DYSF: variants seen among roughly 807,000 people sequenced by gnomAD.
DYSF encodes dystrophy-associated fer-1-like 1.
DYSF carries 212 observed loss-of-function variants against 274.9 expected under a neutral mutation model. The ratio of observed to expected loss-of-function variants is 0.77; its 90% CI spans 0.69 to 0.86. The LOEUF (loss-of-function observed/expected upper bound fraction) is 0.86. Among genes scored for constraint, DYSF ranks in the 40% least tolerant of loss-of-function variants. The pLI is 0.00. For missense variants in DYSF, 2,666 were observed against 2,783.2 expected (o/e 0.96, Z 0.95); for synonymous variants, 1,091 against 1,078.7 (o/e 1.01, Z -0.22).
At chr2:71,671,917 C>A (rs961632094) in intron 51 of DYSF, among the ~76,000 whole-genome samples, 1 of 152,026 alleles carries the variant, frequency 6.6e-6, no homozygotes, top group African/African-American at 2.4e-5. Context: ...TGCCTGATGG[C>A]CAAGAGGGTC....
intron 7 of DYSF, 71 bp downstream of exon 7, chr2:71,513,992 G>A: frequency 7.7e-6 from 12 of 1,563,646 alleles, no homozygotes; most frequent in Non-Finnish European, 8.8e-6. Context: ...GCACCTGCCT[G>A]GTTTGTCCAG....
At chr2:71,583,117 A>G (rs1410404110) in intron 30 of DYSF, among the ~76,000 whole-genome samples, 2 of 151,500 alleles carry the variant, frequency 1.3e-5, no homozygotes, top group Non-Finnish European at 2.9e-5. Context: ...GTTTTTAAAT[A>G]TAGTTTCTTT....
At chr2:71,503,832 C>G (rs540478694) in intron 4 of DYSF, among the ~76,000 whole-genome samples, 22 of 152,348 alleles carry the variant, frequency 1.4e-4, no homozygotes, top group Non-Finnish European at 2.6e-4. Flanking sequence ...AGTGCTCCCC[C>G]CAAGTCCAAT....
chr2:71,556,337 G>C (rs965495559), intron 22 of DYSF, among the ~76,000 whole-genome samples: 1 of 152,338 alleles, frequency 6.6e-6, no homozygotes, highest in African/African-American at 2.4e-5. Context: ...TTGTGTCTCT[G>C]ATCCCCGACC....
intron 32 of DYSF, 125 bp from the exon 33 acceptor site, chr2:71,598,439 G>A: frequency 8.7e-7 from 1 of 1,152,952 alleles, no homozygotes; most frequent in Non-Finnish European, 1.3e-6. Context: ...CAGCATGAAT[G>A]TTGTTGCTCC....
chr2:71,541,942 A>C (rs1315757453), intron 17 of DYSF, among the ~76,000 whole-genome samples: 7 of 152,164 alleles, frequency 4.6e-5, no homozygotes, highest in Non-Finnish European at 2.9e-5. Flanking sequence ...TTTCCATTGA[A>C]TTTTGTCTGA....
chr2:71,595,033 A>G (rs1401692048), intron 32 of DYSF, among the ~76,000 whole-genome samples: 1 of 152,254 alleles, frequency 6.6e-6, no homozygotes, highest in Non-Finnish European at 1.5e-5. Flanking sequence ...AAATAACGCA[A>G]GAGTGAACGT....
chr2:71,530,397 C>T (rs921582703), intron 14 of DYSF, among the ~76,000 whole-genome samples: 2 of 152,166 alleles, frequency 1.3e-5, no homozygotes, highest in Admixed American at 6.5e-5. Context: ...TCCGGGGCTC[C>T]GGGCTGCTCC....
chr2:71,524,638 G>T (rs1467172869), intron 12 of DYSF, among the ~76,000 whole-genome samples: 2 of 152,204 alleles, frequency 1.3e-5, no homozygotes, highest in Non-Finnish European at 2.9e-5. Context: ...GCCTGACCTT[G>T]CTATTCTCCT....
chr2:71,543,936 G>GGGAGAGGGAGAC (rs1465275456), intron 17 of DYSF, among the ~76,000 whole-genome samples: 2 of 147,258 alleles, frequency 1.4e-5, no homozygotes, highest in African/African-American at 4.9e-5. Context: ...GAGAGGGAGA[G>GGGAGAGGGAGAC]GGAGAGGGAG....
intron 32 of DYSF, among the ~76,000 whole-genome samples, chr2:71,595,684 G>A (rs1360968031): frequency 1.3e-5 from 2 of 152,222 alleles, no homozygotes; most frequent in African/African-American, 2.4e-5. Context: ...TTGTGGTGAT[G>A]CAGTGAGGTA....
intron 42 of DYSF, among the ~76,000 whole-genome samples, chr2:71,652,726 A>C (rs2094686835): frequency 6.6e-6 from 1 of 152,242 alleles, no homozygotes. Context: ...CATCTGGAAG[A>C]ACATCAGGTA....
rs1194799546 is a variant in DYSF at position 71,617,577 on chromosome 2, G to GGT, written c.4465-2956_4465-2955dup. 1.6e-3 allele frequency among the ~76,000 whole-genome samples: 235 copies of GGT among 149,648 alleles called. 2 individuals carry two copies. The highest frequency in any genetic ancestry group is 5.4e-3 in the African/African-American group (219 of 40,746). Reference sequence around the variant, plus strand: ...ATGTATGAGTGTATGTGGTAGAGGTGGTGTGTGTGTGTGTGGTAGAGGTGG... The same window carrying GGT: ...ATGTATGAGTGTATGTGGTAGAGGTGGTGTGTGTGTGTGTGTGGTAGAGGTGG... On this transcript the variant is annotated intron_variant, in intron 40 of 55. Transcript: ENST00000410020.
chr2:71,502,263 C>T (rs913627948), intron 3 of DYSF, among the ~76,000 whole-genome samples: 2 of 151,938 alleles, frequency 1.3e-5, no homozygotes, highest in Non-Finnish European at 2.9e-5. Context: ...TTGCAGAGAC[C>T]AGAAAAGGGA....
At chr2:71,671,141 G>A (rs76110915) in intron 51 of DYSF, among the ~76,000 whole-genome samples, 3 of 152,120 alleles carry the variant, frequency 2.0e-5, no homozygotes, top group Non-Finnish European at 2.9e-5. Flanking sequence ...AAAATGTTCC[G>A]CGGAACATTC....
In DYSF at chr2:71,511,877, C is replaced by T; in HGVS notation, c.416C>T (p.Pro139Leu). The T allele has an allele frequency of 1.3e-6, 2 of 1,551,604 alleles. No homozygotes were observed. The highest frequency in any genetic ancestry group is 1.7e-6 in the Non-Finnish European group (2 of 1,146,932). The part of the protein sequence containing the change: ...GAVPLFPPPT[P>L]LEPSPTLPDL... ...GTGCCCCTGTTCCCGCCCCCTACTC[C>T]TCTGGAGCCCTCCCCGACTCTGCCT... is the stretch of plus-strand genomic sequence containing the variant. The change falls in exon 5 of 56, where the codon CCT becomes CTT. Residue 139 changes from proline to leucine, a missense_variant. By Grantham distance (98) the Pro-to-Leu change is moderately conservative. Transcript: ENST00000410020.
intron 45 of DYSF, among the ~76,000 whole-genome samples, chr2:71,663,471 A>C (rs1056869217): frequency 3.9e-5 from 6 of 152,202 alleles, no homozygotes; most frequent in Non-Finnish European, 7.3e-5. Flanking sequence ...CCTCCCAGGA[A>C]GTCCTTGTGT....
chr2:71,487,417 A>G (rs1161257442), intron 3 of DYSF, among the ~76,000 whole-genome samples: 1 of 152,178 alleles, frequency 6.6e-6, no homozygotes, highest in Non-Finnish European at 1.5e-5. Context: ...AGTGGGCTGC[A>G]GGAGTCAGCA....
chr2:71,650,395 C>T (rs532776569), intron 42 of DYSF, among the ~76,000 whole-genome samples: 26 of 152,250 alleles, frequency 1.7e-4, no homozygotes, highest in Admixed American at 2.0e-4. Flanking sequence ...ACAGGAGAAT[C>T]GCTTGAACCT....
Sources: gnomAD v4.1 joint callset for allele counts (sites outside exome capture counted in the v4.1 genomes callset) on GRCh38, gnomAD v4.1.1 for gene constraint, MANE v1.5 for transcripts, NCBI Gene and HGNC (gene_info 2026-07-23, HGNC 2026-07-21) for gene names.